NEGR1: variants seen among roughly 807,000 people sequenced by gnomAD.
NEGR1 encodes the protein IgLON family member 4.
A neutral mutation model predicts 40.9 loss-of-function variants in NEGR1; 10 were observed. The ratio of observed to expected loss-of-function variants is 0.24; its 90% CI spans 0.15 to 0.42. The LOEUF is 0.42. Ranked by LOEUF, NEGR1 falls within the 10% of genes least tolerant of loss-of-function variation. The pLI is 1.00. For missense variants in NEGR1, 352 were observed against 438.9 expected, an observed-to-expected ratio of 0.80 and a Z score of 1.77; for synonymous variants, 185 against 166.8, an observed-to-expected ratio of 1.11 and a Z score of -0.84.
At chr1:71,598,874 CT>C (rs1403762938) in intron 5 of NEGR1, among the ~76,000 whole-genome samples, 10 of 152,208 alleles carry the variant, frequency 6.6e-5, no homozygotes, top group Non-Finnish European at 1.2e-4. Flanking sequence ...ATCATTTCAG[CT>C]TTAAGTTTTC....
At chr1:72,192,064 A>G (rs1331895805) in intron 1 of NEGR1, among the ~76,000 whole-genome samples, 3 of 151,892 alleles carry the variant, frequency 2.0e-5, no homozygotes, top group Non-Finnish European at 4.4e-5. Flanking sequence ...TAGTTTTGGA[A>G]CATTATAAAC....
intron 6 of NEGR1, among the ~76,000 whole-genome samples, chr1:71,430,999 G>A (rs890527216): frequency 7.9e-5 from 12 of 151,644 alleles, no homozygotes; most frequent in Admixed American, 2.0e-4. Flanking sequence ...CGCCCACCTC[G>A]GCCTCCCAAA....
intron 1 of NEGR1, among the ~76,000 whole-genome samples, chr1:72,207,131 A>G (rs891741291): frequency 6.6e-6 from 1 of 151,650 alleles, no homozygotes; most frequent in Non-Finnish European, 1.5e-5. Flanking sequence ...GGCTACAAAG[A>G]AAGATGTAAG....
intron 2 of NEGR1, among the ~76,000 whole-genome samples, chr1:71,849,468 T>A (rs1461899982): frequency 6.6e-6 from 1 of 152,136 alleles, no homozygotes; most frequent in East Asian, 1.9e-4. Flanking sequence ...GAAAATGATT[T>A]CTTGAGATGG....
chr1:72,174,688 A>C (rs961809812), intron 1 of NEGR1, among the ~76,000 whole-genome samples: 1 of 152,140 alleles, frequency 6.6e-6, no homozygotes, highest in Admixed American at 6.6e-5. Context: ...TACTCTTTCC[A>C]AATAATGTTA....
At chr1:71,715,791 T>C (rs1486477668) in intron 3 of NEGR1, among the ~76,000 whole-genome samples, 1 of 152,212 alleles carries the variant, frequency 6.6e-6, no homozygotes, top group Non-Finnish European at 1.5e-5. Context: ...ACTATTAGCA[T>C]TTTGGTCAAA....
At chr1:71,792,647 T>G (rs1163744088) in intron 2 of NEGR1, among the ~76,000 whole-genome samples, 2 of 152,132 alleles carry the variant, frequency 1.3e-5, no homozygotes, top group East Asian at 1.9e-4. Flanking sequence ...CACCAGCTGA[T>G]GAGAAGGTTT....
chr1:72,008,036 T>A (rs1312009002), intron 1 of NEGR1, among the ~76,000 whole-genome samples: 1 of 152,182 alleles, frequency 6.6e-6, no homozygotes, highest in Non-Finnish European at 1.5e-5. Context: ...ACATTTTTTG[T>A]TTGAATAAGT....
chr1:71,972,815 T>C (rs545570112), intron 1 of NEGR1, among the ~76,000 whole-genome samples: 6 of 152,256 alleles, frequency 3.9e-5, no homozygotes, highest in African/African-American at 1.4e-4. Context: ...TCTTCCCCAG[T>C]TGATTCTTCA....
chr1:71,569,954 A>G (rs1432127479), intron 6 of NEGR1, among the ~76,000 whole-genome samples: 2 of 149,488 alleles, frequency 1.3e-5, no homozygotes, highest in African/African-American at 2.5e-5. Flanking sequence ...TAGAGTAACA[A>G]TCACTGAATT....
chr1:71,814,621 C>A (rs956239144), intron 2 of NEGR1, among the ~76,000 whole-genome samples: 1 of 152,058 alleles, frequency 6.6e-6, no homozygotes, highest in Non-Finnish European at 1.5e-5. Context: ...GATTCAATTT[C>A]TTTCTGGTTC....
chr1:71,866,096 G>GT (rs1360832605), intron 2 of NEGR1, among the ~76,000 whole-genome samples: 3 of 151,876 alleles, frequency 2.0e-5, no homozygotes, highest in Non-Finnish European at 4.4e-5. Context: ...AAAAAAGCCT[G>GT]TAACAAAAGA....
At chr1:71,503,034 G>C (rs531859495) in intron 6 of NEGR1, among the ~76,000 whole-genome samples, 1 of 152,148 alleles carries the variant, frequency 6.6e-6, no homozygotes, top group East Asian at 1.9e-4. Flanking sequence ...TAGAAAGAGG[G>C]AGTCAAAGAG....
intron 2 of NEGR1, among the ~76,000 whole-genome samples, chr1:71,933,024 A>G (rs1417386592): frequency 6.6e-6 from 1 of 152,146 alleles, no homozygotes; most frequent in Non-Finnish European, 1.5e-5. Context: ...TAAATACTGT[A>G]AAATTATTAG....
chr1:72,159,521 A>T (rs1172006968), intron 1 of NEGR1, among the ~76,000 whole-genome samples: 1 of 152,154 alleles, frequency 6.6e-6, no homozygotes, highest in Non-Finnish European at 1.5e-5. Context: ...GTAAAGAGGA[A>T]AATCACTAGC....
At chr1:72,138,783 A>G (rs1650564302) in intron 1 of NEGR1, among the ~76,000 whole-genome samples, 1 of 152,054 alleles carries the variant, frequency 6.6e-6, no homozygotes, top group African/African-American at 2.4e-5. Context: ...TTGGAGATTT[A>G]AATATCCATC....
intron 1 of NEGR1, among the ~76,000 whole-genome samples, chr1:72,187,920 C>T (rs868632051): frequency 1.3e-5 from 2 of 151,420 alleles, no homozygotes; most frequent in Non-Finnish European, 3.0e-5. Flanking sequence ...TACTATGATA[C>T]ACTTTCTTAA....
intron 1 of NEGR1, among the ~76,000 whole-genome samples, chr1:72,234,710 G>T (rs983213669): frequency 6.6e-6 from 1 of 152,060 alleles, no homozygotes; most frequent in African/African-American, 2.4e-5. Flanking sequence ...GATCATTAGA[G>T]AAATGCAAAC....
chr1:72,038,888 G>C (rs1379477399), intron 1 of NEGR1, among the ~76,000 whole-genome samples: 1 of 151,900 alleles, frequency 6.6e-6, no homozygotes, highest in African/African-American at 2.4e-5. Context: ...ACTGAGCAAA[G>C]GAGAACCCTC....
Sources: allele counts gnomAD v4.1 joint callset (sites outside exome capture counted in the v4.1 genomes callset), GRCh38; gene constraint gnomAD v4.1.1; transcripts MANE v1.5; gene names NCBI Gene and HGNC (gene_info 2026-07-23, HGNC 2026-07-21).